DPF3: variants seen among roughly 807,000 people sequenced by gnomAD.
DPF3 encodes the protein double PHD fingers 3.
In DPF3, 18 loss-of-function variants were observed where a neutral mutation model predicts 56.8. That is an observed-to-expected ratio of 0.32 (90% CI 0.22 to 0.47). DPF3 has a LOEUF of 0.47. DPF3 is among the 20% of genes least tolerant of loss of function. The pLI, the probability that DPF3 is intolerant of heterozygous loss-of-function variation, is 1.00. For synonymous variants in DPF3, 188 were observed against 180.2 expected (o/e 1.04, Z -0.35); for missense variants, 403 against 488.8 (o/e 0.82, Z 1.65).
At chr14:72,814,446 G>A (rs1033512328) in intron 1 of DPF3, among the ~76,000 whole-genome samples, 2 of 152,114 alleles carry the variant, frequency 1.3e-5, no homozygotes, top group African/African-American at 4.8e-5. Context: ...GAATTACCCT[G>A]ATACCAAAAC....
At chr14:72,841,886 C>G (rs1236421100) in intron 1 of DPF3, among the ~76,000 whole-genome samples, 1 of 152,012 alleles carries the variant, frequency 6.6e-6, no homozygotes, top group Non-Finnish European at 1.5e-5. Flanking sequence ...AGTTTGAGAC[C>G]AGCCTGGAAA....
At chr14:72,831,758 AATATAGATGTGTGCTCACACAGGCACAC>A (rs1313417708) in intron 1 of DPF3, among the ~76,000 whole-genome samples, 15 of 152,386 alleles carry the variant, frequency 9.8e-5, no homozygotes, top group African/African-American at 3.6e-4. Context: ...TTTTCCTGAA[AATATAGATGTGTGCTCACACAGGCACAC>A]ATGTGCATAA....
chr14:72,721,993 G>C (rs4243642), intron 5 of DPF3, among the ~76,000 whole-genome samples: 43,945 of 152,034 alleles, frequency 0.29, 7,016 homozygotes, highest in East Asian at 0.46. Context: ...TGTGGAATCC[G>C]GGAGACTTCA....
At chr14:72,635,891 A>G (rs1203052314) in intron 8 of DPF3, among the ~76,000 whole-genome samples, 1 of 152,240 alleles carries the variant, frequency 6.6e-6, no homozygotes, top group Non-Finnish European at 1.5e-5. Flanking sequence ...CTAGGTATGC[A>G]TTGAAAACAT....
intron 1 of DPF3, chr14:72,892,767 G>T (rs1377019980): frequency 2.2e-6 from 2 of 919,764 alleles, no homozygotes; most frequent in African/African-American, 1.8e-5. Context: ...CTTCGTCCGG[G>T]CGGGGAAGTC....
chr14:72,839,296 A>C lies in DPF3; in HGVS notation c.32+54761T>G, dbSNP rs562478737. Among the ~76,000 whole-genome samples the C allele has an allele frequency of 2.6e-5, 4 of 152,226 alleles. No individual in the cohort carries two copies. The South Asian group carries it at 8.3e-4, about 32-fold the overall frequency. On this transcript the variant is annotated intron_variant, in intron 1 of 10. Coordinates refer to ENST00000556509, the MANE Select transcript of DPF3 (RefSeq NM_001280542.3). ...TGAATGAGAAAACCAAGCCTAAAAGAGGGACTCCCAAGTAATATCAACTTG... is the reference window on the plus strand; with the variant it reads ...TGAATGAGAAAACCAAGCCTAAAAGCGGGACTCCCAAGTAATATCAACTTG...
chr14:72,780,814 A>T (rs376139734), intron 1 of DPF3, among the ~76,000 whole-genome samples: 1 of 152,176 alleles, frequency 6.6e-6, no homozygotes, highest in Non-Finnish European at 1.5e-5. Flanking sequence ...TGCTGCTGAC[A>T]TCAGACCTAT....
At chr14:72,677,584 G>A (rs1886968399) in intron 7 of DPF3, among the ~76,000 whole-genome samples, 1 of 151,548 alleles carries the variant, frequency 6.6e-6, no homozygotes, top group African/African-American at 2.4e-5. Flanking sequence ...TGGAGACCAG[G>A]TCTAACCCGT....
intron 1 of DPF3, among the ~76,000 whole-genome samples, chr14:72,824,141 C>A (rs1454147321): frequency 6.6e-6 from 1 of 152,096 alleles, no homozygotes; most frequent in Non-Finnish European, 1.5e-5. Context: ...CCAAGGAGAG[C>A]AAAATCCAGA....
At chr14:72,841,089 G>C (rs2094516330) in intron 1 of DPF3, among the ~76,000 whole-genome samples, 1 of 152,206 alleles carries the variant, frequency 6.6e-6, no homozygotes, top group Non-Finnish European at 1.5e-5. Context: ...GCTTTAGCAA[G>C]GGATTTTTAT....
chr14:72,695,924 A>G (rs1281210356), intron 6 of DPF3, among the ~76,000 whole-genome samples: 2 of 152,206 alleles, frequency 1.3e-5, no homozygotes, highest in African/African-American at 4.8e-5. Context: ...TGTAAAAAAA[A>G]TAAAATTAAA....
At chr14:72,777,887 A>T (rs1891810191) in intron 1 of DPF3, among the ~76,000 whole-genome samples, 1 of 152,202 alleles carries the variant, frequency 6.6e-6, no homozygotes, top group South Asian at 2.1e-4. Flanking sequence ...TGAGCCAATT[A>T]AACCTGTTCT....
chr14:72,695,066 T>A (rs754069526), intron 6 of DPF3, among the ~76,000 whole-genome samples: 6 of 152,236 alleles, frequency 3.9e-5, no homozygotes, highest in Non-Finnish European at 8.8e-5. Context: ...TTGAGCTCAA[T>A]CTATAATTTT....
At chr14:72,662,698 G>A (rs1012743265) in intron 8 of DPF3, 17 of 987,550 alleles carry the variant, frequency 1.7e-5, no homozygotes, top group African/African-American at 1.6e-4. Flanking sequence ...TGAAACACAC[G>A]CACAGGAGGG....
chr14:72,875,237 T>TCAC (rs1468684771), intron 1 of DPF3, among the ~76,000 whole-genome samples: 2 of 152,140 alleles, frequency 1.3e-5, no homozygotes, highest in African/African-American at 4.8e-5. Context: ...CCAAACCATA[T>TCAC]CACTACTAAA....
At chr14:72,780,299 C>T (rs1190146644) in intron 1 of DPF3, among the ~76,000 whole-genome samples, 2 of 152,220 alleles carry the variant, frequency 1.3e-5, no homozygotes, top group African/African-American at 4.8e-5. Flanking sequence ...TGCTCTCTGG[C>T]TTCTCTGAGC....
intron 3 of DPF3, among the ~76,000 whole-genome samples, chr14:72,740,198 G>T (rs1427500975): frequency 6.6e-6 from 1 of 152,224 alleles, no homozygotes; most frequent in African/African-American, 2.4e-5. Context: ...CCAGCTTGGG[G>T]AGCTACAGGG....
chr14:72,860,966 A>T (rs1187871234), intron 1 of DPF3, among the ~76,000 whole-genome samples: 1 of 151,942 alleles, frequency 6.6e-6, no homozygotes, highest in Non-Finnish European at 1.5e-5. Context: ...AGGCTTCCCC[A>T]AGTAGGAAAG....
At chr14:72,690,542 ACACGCACACACATG>A (rs991445057) in intron 7 of DPF3, among the ~76,000 whole-genome samples, 4 of 146,584 alleles carry the variant, frequency 2.7e-5, no homozygotes, top group East Asian at 1.9e-4. Context: ...TGCACAAACA[ACACGCACACACATG>A]CACGCACACA....
Sources: allele counts gnomAD v4.1 joint callset (sites outside exome capture counted in the v4.1 genomes callset), GRCh38; gene constraint gnomAD v4.1.1; transcripts MANE v1.5; gene names NCBI Gene and HGNC (gene_info 2026-07-23, HGNC 2026-07-21).